Variants in ADAP2 observed in about 807,000 individuals in gnomAD.
ADAP2 encodes the protein ArfGAP with dual PH domains 2.
Under a neutral mutation model 54.9 loss-of-function variants are expected in ADAP2, and 42 were observed. That is an observed-to-expected ratio of 0.77 (90% CI 0.60 to 0.99). The LOEUF (loss-of-function observed/expected upper bound fraction) is 0.99. Among genes scored for constraint, ADAP2 ranks in the 50% least tolerant of loss-of-function variants. The probability of loss-of-function intolerance (pLI) is 0.00; values close to 1 mark genes in which losing one functional copy is unlikely to be tolerated. For missense variants in ADAP2, 429 were observed against 480.4 expected, an observed-to-expected ratio of 0.89 and a Z score of 1.00; for synonymous variants, 177 against 180.1, an observed-to-expected ratio of 0.98 and a Z score of 0.14.
At chr17:30,948,877 T>C (rs774117783) in intron 6 of ADAP2, among the ~76,000 whole-genome samples, 1 of 152,210 alleles carries the variant, frequency 6.6e-6, no homozygotes, top group Non-Finnish European at 1.5e-5. Context: ...TTCCACTGAC[T>C]AGCAGCATCA....
At position 30,922,056 on chromosome 17, in the gene ADAP2, G is replaced by A; in HGVS notation, c.42G>A (p.Leu14=). ...GCAACAAGAAGCGGCTGCTGGAGCT[G>A]CTGCGGGCGCCGGACACAGGCAACG... ...RERNKKRLLE[L]LRAPDTGNAH... The change falls in exon 1 of 11, where the codon CTG becomes CTA. Residue 14 remains leucine (L), a synonymous_variant. Transcript: ENST00000330889. The A allele has an allele frequency of 7.9e-7, 1 of 1,273,520 alleles. No homozygotes were observed. Among genetic ancestry groups the A allele is most frequent in the Non-Finnish European group, 9.9e-7 (1 of 1,014,808 alleles). The allele number at this position is 1,273,520 out of a possible 1,614,324, so 78.9% of individuals were successfully genotyped here. A position where few individuals can be genotyped will look rare whatever the true frequency, so the allele number is the denominator to read the frequency against.
At chr17:30,947,986 G>A (rs771367614) in intron 6 of ADAP2, among the ~76,000 whole-genome samples, 33 of 152,230 alleles carry the variant, frequency 2.2e-4, no homozygotes, top group Non-Finnish European at 3.8e-4. Flanking sequence ...AAGATAGGCG[G>A]GGTAGTTCTC....
intron 6 of ADAP2, among the ~76,000 whole-genome samples, chr17:30,945,536 G>A (rs1398026442): frequency 6.6e-6 from 1 of 152,072 alleles, no homozygotes; most frequent in Non-Finnish European, 1.5e-5. Flanking sequence ...TGGATCACTT[G>A]AACCCAGGAG....
chr17:30,925,567 C>CTCTTTCCTTT (rs1910987619), intron 2 of ADAP2, among the ~76,000 whole-genome samples: 1 of 147,922 alleles, frequency 6.8e-6, no homozygotes, highest in Non-Finnish European at 1.5e-5. Flanking sequence ...TCTTCTTCTT[C>CTCTTTCCTTT]TCTTTTCTTT....
chr17:30,929,287 C>T lies in ADAP2; in HGVS notation c.317+2369C>T, dbSNP rs1911305160. Among the ~76,000 whole-genome samples, 3 of 152,338 alleles carry T rather than the reference C, an allele frequency of 2.0e-5. No homozygotes were observed. The South Asian group carries it at 6.2e-4, about 32-fold the overall frequency. On this transcript the variant is annotated intron_variant, in intron 3 of 10. Coordinates refer to ENST00000330889, the MANE Select transcript of ADAP2 (RefSeq NM_018404.3). ...TTATGTAGAACCTTTCACATGCCAC[C>T]CGACACACGGGTTTGAATCCATTTC...
intron 9 of ADAP2, among the ~76,000 whole-genome samples, chr17:30,955,695 C>T (rs548496931): frequency 1.7e-4 from 24 of 144,300 alleles, no homozygotes; most frequent in African/African-American, 5.4e-4. Flanking sequence ...AGTGAGACTC[C>T]GTCTCAAAAA....
intron 1 of ADAP2, 65 bp from the exon 2 acceptor site, chr17:30,922,875 G>A: frequency 1.9e-6 from 3 of 1,574,824 alleles, no homozygotes; most frequent in African/African-American, 1.4e-5. Context: ...CCAGTGCCCC[G>A]AGCCCAGCCC....
At chr17:30,938,098 A>G (rs1404744086) in intron 5 of ADAP2, among the ~76,000 whole-genome samples, 1 of 152,240 alleles carries the variant, frequency 6.6e-6, no homozygotes, top group Non-Finnish European at 1.5e-5. Flanking sequence ...GTTGCTGAGT[A>G]ACAAACCATC....
At chr17:30,945,782 C>A (rs1458082300) in intron 6 of ADAP2, among the ~76,000 whole-genome samples, 1 of 145,464 alleles carries the variant, frequency 6.9e-6, no homozygotes, top group East Asian at 2.1e-4. Context: ...ACAAAACAAA[C>A]CAGAAAGAAA....
intron 5 of ADAP2, among the ~76,000 whole-genome samples, chr17:30,942,018 T>C (rs896058863): frequency 6.6e-6 from 1 of 152,044 alleles, no homozygotes; most frequent in African/African-American, 2.4e-5. Context: ...CGATTCTCCT[T>C]CCTCACCCTC....
Position 30,944,968 on chromosome 17 carries a change from A to C in ADAP2, c.572A>C (p.Lys191Thr), listed in dbSNP as rs1327077465. ...TTGAATGCCACCTTCCAGACAGAGA[A>C]GATAGGGCACCCCCATGGGCTGCAG... Reference protein sequence around the residue: ...KDLNATFQTEKIGHPHGLQIT... With the variant: ...KDLNATFQTETIGHPHGLQIT... Residue 191 changes from lysine (K) to threonine (T), a missense_variant, in exon 6 of 11, where the codon AAG becomes ACG. Physicochemically the swap from Lys to Thr is moderately conservative, Grantham distance 78. Transcript: ENST00000330889. 6 of 1,614,132 alleles carry C rather than the reference A, an allele frequency of 3.7e-6. No individual in the cohort carries two copies. The highest frequency in any genetic ancestry group is 5.1e-6 in the Non-Finnish European group (6 of 1,180,032).
intron 6 of ADAP2, among the ~76,000 whole-genome samples, 160 bp downstream of exon 6, chr17:30,945,213 T>C (rs1166542523): frequency 1.3e-5 from 2 of 152,144 alleles, no homozygotes; most frequent in East Asian, 3.9e-4. Context: ...CAGTCTGAGA[T>C]AAAGATATGA....
intron 5 of ADAP2, among the ~76,000 whole-genome samples, chr17:30,944,318 A>G (rs1912491938): frequency 6.6e-6 from 1 of 151,716 alleles, no homozygotes; most frequent in African/African-American, 2.4e-5. Context: ...TGGAAGCTAA[A>G]CATTGAGTAC....
At chr17:30,925,597 C>CTTTT (rs565627419) in intron 2 of ADAP2, among the ~76,000 whole-genome samples, 2 of 133,964 alleles carry the variant, frequency 1.5e-5, no homozygotes, top group African/African-American at 2.8e-5. Flanking sequence ...TTCTTTCTTT[C>CTTTT]TTTTTTTTTT....
intron 5 of ADAP2, among the ~76,000 whole-genome samples, chr17:30,941,968 C>T (rs972295093): frequency 1.3e-5 from 2 of 151,504 alleles, no homozygotes; most frequent in African/African-American, 2.4e-5. Flanking sequence ...TGCAGTGGTG[C>T]GATCTTGGCT....
intron 4 of ADAP2, among the ~76,000 whole-genome samples, chr17:30,932,862 C>T (rs770160177): frequency 6.6e-6 from 1 of 152,132 alleles, no homozygotes; most frequent in Non-Finnish European, 1.5e-5. Context: ...GCCACCGCGC[C>T]CAGCATCAAA....
intron 2 of ADAP2, among the ~76,000 whole-genome samples, chr17:30,923,764 ATCTCGGC>A (rs1716317530): frequency 7.1e-6 from 1 of 141,102 alleles, no homozygotes; most frequent in Non-Finnish European, 1.5e-5. Flanking sequence ...GCAACGGCCA[ATCTCGGC>A]TCACTGCAAC....
At chr17:30,930,894 A>C (rs1046642472) in intron 3 of ADAP2, among the ~76,000 whole-genome samples, 2 of 152,242 alleles carry the variant, frequency 1.3e-5, no homozygotes, top group Non-Finnish European at 2.9e-5. Context: ...TGTGCTGAGT[A>C]GGTGCTAGGC....
rs1209345211 is a variant in ADAP2 at position 30,958,018 on chromosome 17, T to G, written c.*149T>G. 1 of 773,434 alleles carries G rather than the reference T, an allele frequency of 1.3e-6. No homozygotes were observed. The highest frequency in any genetic ancestry group is 2.2e-6 in the Non-Finnish European group (1 of 456,456). 47.9% of individuals were successfully genotyped at this position (773,434 alleles called of 1,614,324 possible). A position where few individuals can be genotyped will look rare whatever the true frequency, so the allele number is the denominator to read the frequency against. On this transcript the variant is annotated 3_prime_UTR_variant, in exon 11 of 11. Coordinates refer to ENST00000330889, the MANE Select transcript of ADAP2 (RefSeq NM_018404.3). ...CTCTGCCAGGACTGAAGCTGTGGCTTTATCCATCAGCTCCCTGGGCCTTCC... is the reference window on the plus strand; with the variant it reads ...CTCTGCCAGGACTGAAGCTGTGGCTGTATCCATCAGCTCCCTGGGCCTTCC...
Sources: allele counts gnomAD v4.1 joint callset (sites outside exome capture counted in the v4.1 genomes callset), GRCh38; gene constraint gnomAD v4.1.1; transcripts MANE v1.5; gene names NCBI Gene and HGNC (gene_info 2026-07-23, HGNC 2026-07-21).